The following ARL15 variants were observed in gnomAD, a reference collection of about 807,000 sequenced individuals.
ARL15 encodes the protein ARF like GTPase 15, also known as ADP-ribosylation factor-like protein 15.
In ARL15, 19 loss-of-function variants were observed where a neutral mutation model predicts 25.2. The observed-to-expected ratio is 0.75, with a 90% confidence interval of 0.53 to 1.10. The LOEUF (loss-of-function observed/expected upper bound fraction) is 1.10. ARL15 is among the 50% of genes least tolerant of loss of function. The probability of loss-of-function intolerance (pLI) is 0.00; values close to 1 mark genes in which losing one functional copy is unlikely to be tolerated. For synonymous variants in ARL15, 94 were observed against 86.8 expected, an observed-to-expected ratio of 1.08 and a Z score of -0.46; for missense variants, 220 against 246.0, an observed-to-expected ratio of 0.89 and a Z score of 0.71.
intron 4 of ARL15, among the ~76,000 whole-genome samples, chr5:54,065,695 A>G (rs1047419985): frequency 1.3e-5 from 2 of 150,286 alleles, no homozygotes; most frequent in Non-Finnish European, 3.0e-5. Context: ...AACAAACAAA[A>G]CAACCAAAAA....
In ARL15 at chr5:54,045,317, T is replaced by G. The variant is rs369454851; in HGVS notation, c.462+67885A>C. 4.6e-5 allele frequency among the ~76,000 whole-genome samples: 7 copies of G among 152,218 alleles called. No homozygotes were observed. In the South Asian group the frequency reaches 1.4e-3, roughly 31 times the overall value. On this transcript the variant is annotated intron_variant, in intron 4 of 4. Transcript: ENST00000504924. Reference sequence around the variant, plus strand: ...AAAAGCTGGACTAAATCATGCTGATTGCTTGAAAGTCCAGACTACAAGAAC... The same window carrying G: ...AAAAGCTGGACTAAATCATGCTGATGGCTTGAAAGTCCAGACTACAAGAAC...
At chr5:53,986,142 T>C (rs1046279129) in intron 4 of ARL15, among the ~76,000 whole-genome samples, 1 of 152,232 alleles carries the variant, frequency 6.6e-6, no homozygotes, top group Non-Finnish European at 1.5e-5. Flanking sequence ...ATAGAGTACC[T>C]ATCTACCTTC....
chr5:54,053,273 TA>T (rs1750755877), intron 4 of ARL15, among the ~76,000 whole-genome samples: 1 of 151,918 alleles, frequency 6.6e-6, no homozygotes, highest in Non-Finnish European at 1.5e-5. Flanking sequence ...AAACAAAGTA[TA>T]AAATAAATAT....
chr5:53,933,531 G>A (rs976806365), intron 4 of ARL15, among the ~76,000 whole-genome samples: 1 of 149,910 alleles, frequency 6.7e-6, no homozygotes, highest in African/African-American at 2.4e-5. Flanking sequence ...TGTAGTCCCA[G>A]CTACTCAGGA....
intron 1 of ARL15, among the ~76,000 whole-genome samples, chr5:54,246,794 GCATACACACACACACACACACA>G (rs1554050198): frequency 1.0e-5 from 1 of 97,408 alleles, no homozygotes; most frequent in African/African-American, 3.7e-5. Context: ...TACAAAGCAT[GCATACACACACACACACACACA>G]CACACACACA....
intron 1 of ARL15, among the ~76,000 whole-genome samples, chr5:54,227,026 C>T (rs912539779): frequency 1.3e-5 from 2 of 152,264 alleles, no homozygotes; most frequent in Admixed American, 6.5e-5. Context: ...GCTTTTCCCC[C>T]ATGATTGTGT....
chr5:53,897,556 C>T (rs1038967641), intron 4 of ARL15, among the ~76,000 whole-genome samples: 1 of 152,128 alleles, frequency 6.6e-6, no homozygotes, highest in Non-Finnish European at 1.5e-5. Flanking sequence ...TGTGTAAACA[C>T]ATGTTTTCAT....
At chr5:54,088,783 G>C (rs1752051730) in intron 4 of ARL15, among the ~76,000 whole-genome samples, 1 of 152,120 alleles carries the variant, frequency 6.6e-6, no homozygotes, top group Non-Finnish European at 1.5e-5. Context: ...TACTTAAGTA[G>C]CTCTCTTTTC....
At chr5:54,168,471 C>A (rs967988780) in intron 2 of ARL15, among the ~76,000 whole-genome samples, 1 of 151,548 alleles carries the variant, frequency 6.6e-6, no homozygotes, top group African/African-American at 2.4e-5. Context: ...TTTTATCTTC[C>A]TTTCCTCTTG....
intron 1 of ARL15, among the ~76,000 whole-genome samples, chr5:54,209,351 G>C (rs1283089902): frequency 2.0e-5 from 3 of 150,718 alleles, no homozygotes; most frequent in Non-Finnish European, 2.9e-5. Context: ...GAGAGAGAGA[G>C]AGAGGCTAAA....
intron 4 of ARL15, among the ~76,000 whole-genome samples, chr5:54,085,225 G>A (rs908908011): frequency 7.9e-5 from 12 of 152,148 alleles, no homozygotes; most frequent in Admixed American, 7.2e-4. Flanking sequence ...GCAAACTACT[G>A]TGAATCAAAA....
At chr5:54,111,433 A>G (rs918213238) in intron 4 of ARL15, among the ~76,000 whole-genome samples, 20 of 152,098 alleles carry the variant, frequency 1.3e-4, no homozygotes, top group African/African-American at 4.1e-4. Context: ...ACTCAGAAGC[A>G]ATTAATTGCT....
intron 4 of ARL15, among the ~76,000 whole-genome samples, chr5:54,018,103 A>C (rs1749482676): frequency 6.6e-6 from 1 of 152,194 alleles, no homozygotes; most frequent in African/African-American, 2.4e-5. Context: ...GTTTTTAAAA[A>C]ATATCTGGAT....
intron 3 of ARL15, among the ~76,000 whole-genome samples, chr5:54,144,544 T>A (rs1353484474): frequency 6.6e-6 from 1 of 152,244 alleles, no homozygotes; most frequent in Admixed American, 6.5e-5. Context: ...ATCACTCTAT[T>A]ACCTCTAGGT....
At chr5:54,131,744 A>G (rs1753445166) in intron 3 of ARL15, among the ~76,000 whole-genome samples, 1 of 152,158 alleles carries the variant, frequency 6.6e-6, no homozygotes, top group Admixed American at 6.5e-5. Flanking sequence ...GTGTGGCTAC[A>G]CTATCACCAG....
At chr5:53,920,139 G>A (rs1291378530) in intron 4 of ARL15, among the ~76,000 whole-genome samples, 2 of 152,150 alleles carry the variant, frequency 1.3e-5, no homozygotes, top group African/African-American at 4.8e-5. Flanking sequence ...TCATGCTAAA[G>A]CCCTGAACAA....
At chr5:53,939,884 C>T (rs1746479737) in intron 4 of ARL15, among the ~76,000 whole-genome samples, 1 of 151,516 alleles carries the variant, frequency 6.6e-6, no homozygotes, top group East Asian at 1.9e-4. Context: ...TATGAACAGA[C>T]GTTTGTAACT....
chr5:54,246,099 T>C (rs547128175), intron 1 of ARL15, among the ~76,000 whole-genome samples: 1 of 152,228 alleles, frequency 6.6e-6, no homozygotes, highest in East Asian at 1.9e-4. Flanking sequence ...CCCAGAAATA[T>C]TAGGTGTGTC....
chr5:54,065,088 T>A (rs892655829), intron 4 of ARL15, among the ~76,000 whole-genome samples: 1 of 152,134 alleles, frequency 6.6e-6, no homozygotes, highest in Non-Finnish European at 1.5e-5. Flanking sequence ...AATGACAGGA[T>A]CTGTAAGCTA....
Sources: allele counts gnomAD v4.1 joint callset (sites outside exome capture counted in the v4.1 genomes callset), GRCh38; gene constraint gnomAD v4.1.1; transcripts MANE v1.5; gene names NCBI Gene and HGNC (gene_info 2026-07-23, HGNC 2026-07-21).